NXPE4: variants seen among roughly 807,000 people sequenced by gnomAD.
The protein encoded by NXPE4 is NXPE family member 4.
Under a neutral mutation model 33.3 loss-of-function variants are expected in NXPE4, and 42 were observed. The ratio of observed to expected loss-of-function variants is 1.26; its 90% confidence interval spans 0.98 to 1.63. NXPE4 has a LOEUF of 1.63. Among genes scored for constraint, NXPE4 ranks in the 40% most tolerant of loss-of-function variants. NXPE4 has a pLI of 0.00. For synonymous variants in NXPE4, 253 were observed against 234.9 expected (o/e 1.08, Z -0.71); for missense variants, 709 against 647.6 (o/e 1.09, Z -1.03).
the NXPE4 span, among the ~76,000 whole-genome samples, chr11:114,623,624 C>T: frequency 6.6e-6 from 1 of 152,052 alleles, no homozygotes; most frequent in African/African-American, 2.4e-5. Context: ...CCGTTTTACC[C>T]ACTGGATAAT....
At chr11:114,579,907 G>T (rs535487058) in intron 5 of NXPE4, among the ~76,000 whole-genome samples, 12 of 152,252 alleles carry the variant, frequency 7.9e-5, no homozygotes, top group African/African-American at 2.9e-4. Flanking sequence ...TGTGAATTCT[G>T]CAGAGATAGG....
chr11:114,581,616 T>A, intron 4 of NXPE4, 109 bp downstream of exon 4: 1 of 858,044 alleles, frequency 1.2e-6, no homozygotes, highest in Non-Finnish European at 1.9e-6. Context: ...ATAAGCCAGA[T>A]GAACAGAGTG....
At chr11:114,598,414 C>G (rs775571234), upstream of NXPE4, among the ~76,000 whole-genome samples, 53 of 151,642 alleles carry the variant, frequency 3.5e-4, no homozygotes, top group Non-Finnish European at 6.2e-4. Flanking sequence ...CCAGTGGGGA[C>G]TCTGTGTGGG....
rs75329988 is a variant in NXPE4, at chr11:114,574,941, C to T, written c.1100-3468G>A. On this transcript the variant is annotated intron_variant, in intron 5 of 5. Coordinates refer to ENST00000375478, the MANE Select transcript of NXPE4 (RefSeq NM_001077639.2). ...TTATGAACATAGATGCTAAAATCCT[C>T]ACCAAAATACTAGCTAACCAAATCC... Among the ~76,000 whole-genome samples, 840 of 152,158 alleles carry T rather than the reference C, an allele frequency of 5.5e-3. 9 individuals are homozygous for T. Among genetic ancestry groups the T allele is most frequent in the African/African-American group, 0.02 (820 of 41,526 alleles).
chr11:114,657,724 A>C, the NXPE4 span, among the ~76,000 whole-genome samples: 10 of 152,302 alleles, frequency 6.6e-5, 1 homozygote, highest in East Asian at 1.9e-3. Flanking sequence ...AGATCATAAA[A>C]GGCTTCCTTG....
chr11:114,572,597 G>T (rs1175635078), intron 5 of NXPE4, among the ~76,000 whole-genome samples: 2 of 152,024 alleles, frequency 1.3e-5, no homozygotes, highest in Non-Finnish European at 2.9e-5. Flanking sequence ...CAATAGAATT[G>T]AACAAGCAGA....
chr11:114,633,866 T>A, the NXPE4 span, among the ~76,000 whole-genome samples: 2 of 152,002 alleles, frequency 1.3e-5, no homozygotes, highest in Non-Finnish European at 2.9e-5. Context: ...GTCTATCATT[T>A]TTGGATATTG....
the NXPE4 span, among the ~76,000 whole-genome samples, chr11:114,671,209 A>G: frequency 6.6e-6 from 1 of 151,354 alleles, no homozygotes; most frequent in African/African-American, 2.4e-5. Context: ...AGAATCAGCA[A>G]ACTTGAAGGT....
At chr11:114,593,617 G>T (rs1949513199) in intron 2 of NXPE4, among the ~76,000 whole-genome samples, 2 of 152,046 alleles carry the variant, frequency 1.3e-5, no homozygotes, top group Non-Finnish European at 2.9e-5. Flanking sequence ...CAGTTTGGAG[G>T]TTTCTCAAAA....
the NXPE4 span, among the ~76,000 whole-genome samples, chr11:114,632,514 ATAT>A: frequency 2.4e-5 from 3 of 124,048 alleles, no homozygotes; most frequent in Non-Finnish European, 4.7e-5. Flanking sequence ...ATTTTATTTT[ATAT>A]TATATTTTGC....
the NXPE4 span, among the ~76,000 whole-genome samples, chr11:114,642,827 AG>A: frequency 2.6e-5 from 4 of 152,088 alleles, no homozygotes; most frequent in Non-Finnish European, 5.9e-5. Flanking sequence ...TAGATCCTTG[AG>A]GAATCGCCAC....
the NXPE4 span, among the ~76,000 whole-genome samples, chr11:114,660,372 G>T: frequency 4.6e-5 from 7 of 151,828 alleles, no homozygotes; most frequent in Non-Finnish European, 8.8e-5. Context: ...CAAAGTATTA[G>T]CAAATTAAAT....
rs1949152586 is a variant in NXPE4, at chr11:114,581,780, A to G, written c.837T>C (p.Asn279=). 6.2e-7 allele frequency: 1 copy of G among 1,607,756 alleles called. No individual in the cohort carries two copies. The highest frequency in any genetic ancestry group is 1.7e-4 in the Middle Eastern group (1 of 6,044). Residue 279 remains asparagine (N), a synonymous_variant, in exon 4 of 6, where the codon AAT becomes AAC. Coordinates refer to ENST00000375478, the MANE Select transcript of NXPE4 (RefSeq NM_001077639.2). The part of the protein sequence containing the change: ...KQEKSLFERS[N]VGVEIMEKFN... The stretch of plus-strand genomic sequence containing the variant: ...ATTTTTCCATAATCTCTACACCCAC[A>G]TTTGACCTTAAAGACACAAATACAG...
At chr11:114,602,894 T>C in the NXPE4 span, among the ~76,000 whole-genome samples, 1 of 148,498 alleles carries the variant, frequency 6.7e-6, no homozygotes, top group Non-Finnish European at 1.5e-5. Context: ...AATTATCTAA[T>C]ATATAATTAC....
Position 114,582,637 on chromosome 11 carries a change from C to T in NXPE4, c.481G>A (p.Gly161Ser), listed in dbSNP as rs201300075. Residue 161 changes from glycine to serine, a missense_variant, in exon 3 of 6, where the codon GGC (glycine) becomes AGC (serine). Physicochemically the swap from Gly to Ser is moderately conservative, Grantham distance 56. Coordinates refer to ENST00000375478, the MANE Select transcript of NXPE4 (RefSeq NM_001077639.2). Reference protein sequence around the residue: ...ASGKVTDFNNGTYLVSFTLFW... With the variant: ...ASGKVTDFNNSTYLVSFTLFW... ...AGAGTGAAGCTGACCAGGTAGGTGC[C>T]GTTGTTGAAGTCAGTCACCTTTCCT... The T allele has an allele frequency of 1.1e-4, 184 of 1,614,120 alleles. No individual in the cohort carries two copies. In the African/African-American group the frequency reaches 1.8e-3, roughly 16 times the overall value.
chr11:114,624,524 C>T, the NXPE4 span, among the ~76,000 whole-genome samples: 6 of 152,092 alleles, frequency 3.9e-5, no homozygotes, highest in Admixed American at 2.0e-4. Flanking sequence ...TAATTATTGC[C>T]TCGTGGGTAA....
At chr11:114,622,354 G>T in the NXPE4 span, among the ~76,000 whole-genome samples, 6 of 152,166 alleles carry the variant, frequency 3.9e-5, no homozygotes, top group Non-Finnish European at 7.4e-5. Context: ...GTTGCCTCGT[G>T]GGTAACCACT....
chr11:114,602,956 T>C, the NXPE4 span, among the ~76,000 whole-genome samples: 2 of 150,114 alleles, frequency 1.3e-5, no homozygotes, highest in Non-Finnish European at 3.0e-5. Context: ...AATTATCTCA[T>C]ATACAATTAC....
the NXPE4 span, among the ~76,000 whole-genome samples, chr11:114,612,242 C>T: frequency 9.5e-3 from 1,445 of 151,326 alleles, 25 homozygotes; most frequent in African/African-American, 0.034. Flanking sequence ...CACTGTTACA[C>T]GGTGGAGAAT....
Sources: allele counts gnomAD v4.1 joint callset (sites outside exome capture counted in the v4.1 genomes callset), GRCh38; gene constraint gnomAD v4.1.1; transcripts MANE v1.5; gene names NCBI Gene and HGNC (gene_info 2026-07-23, HGNC 2026-07-21).